Variants in GALNT17 observed in about 807,000 individuals in gnomAD.
GALNT17 encodes the protein polypeptide N-acetylgalactosaminyltransferase 17.
In GALNT17, 29 loss-of-function variants were observed where a neutral mutation model predicts 63.7. The observed-to-expected ratio is 0.46, with a 90% CI of 0.34 to 0.62. The LOEUF is 0.62. GALNT17 is among the 20% of genes least tolerant of loss of function. GALNT17 has a pLI of 0.01. For missense variants in GALNT17, 603 were observed against 799.6 expected (o/e 0.75, Z 2.97); for synonymous variants, 305 against 318.3 (o/e 0.96, Z 0.45).
chr7:71,642,091 C>T (rs1372931169), intron 6 of GALNT17, among the ~76,000 whole-genome samples: 1 of 152,112 alleles, frequency 6.6e-6, no homozygotes, highest in Non-Finnish European at 1.5e-5. Context: ...ACTGGGAACA[C>T]GAGGCTGTCT....
intron 5 of GALNT17, among the ~76,000 whole-genome samples, chr7:71,555,078 A>G (rs1404327110): frequency 6.6e-6 from 1 of 152,008 alleles, no homozygotes; most frequent in Non-Finnish European, 1.5e-5. Context: ...CAAGAGAGAC[A>G]AGGGAGGTCC....
At chr7:71,508,690 T>G (rs569583156) in intron 5 of GALNT17, among the ~76,000 whole-genome samples, 2 of 152,042 alleles carry the variant, frequency 1.3e-5, no homozygotes, top group African/African-American at 2.4e-5. Flanking sequence ...CCAGCCTTCA[T>G]GCCCGGGCTG....
At chr7:71,560,022 C>T (rs1789228253) in intron 5 of GALNT17, among the ~76,000 whole-genome samples, 1 of 151,524 alleles carries the variant, frequency 6.6e-6, no homozygotes, top group Non-Finnish European at 1.5e-5. Context: ...GGTGAAACCT[C>T]ATCTCTACAA....
At chr7:71,588,714 C>T (rs1326569117) in intron 6 of GALNT17, among the ~76,000 whole-genome samples, 1 of 152,152 alleles carries the variant, frequency 6.6e-6, no homozygotes, top group Admixed American at 6.6e-5. Context: ...AGAGAAGCTG[C>T]CAATCTGGAC....
intron 1 of GALNT17, among the ~76,000 whole-genome samples, chr7:71,289,839 G>A (rs899050860): frequency 1.1e-4 from 16 of 150,588 alleles, no homozygotes; most frequent in African/African-American, 2.7e-4. Context: ...AGATCGTGCC[G>A]TTGCATTCCA....
In GALNT17 at chr7:71,540,780, C is replaced by G. The variant is rs541798568; in HGVS notation, c.963-30505C>G. 1.2e-4 allele frequency among the ~76,000 whole-genome samples: 18 copies of G among 152,294 alleles called. No individual in the cohort carries two copies. The South Asian group carries it at 3.7e-3, about 32-fold the overall frequency. ...AATTCACAAGCCAGAGCAGGAGATT[C>G]AAACTGCCCCTGATGACAGCATTCA... On this transcript the variant is annotated intron_variant, in intron 5 of 10. Transcript: ENST00000333538.
intron 9 of GALNT17, among the ~76,000 whole-genome samples, chr7:71,684,853 T>C (rs1441768570): frequency 1.3e-5 from 2 of 152,062 alleles, no homozygotes; most frequent in Non-Finnish European, 2.9e-5. Flanking sequence ...TTTGTAAAGA[T>C]GGGGTCTCAC....
At chr7:71,480,442 C>T (rs969216172) in intron 5 of GALNT17, among the ~76,000 whole-genome samples, 1 of 152,136 alleles carries the variant, frequency 6.6e-6, no homozygotes, top group South Asian at 2.1e-4. Flanking sequence ...CTCTCCTACT[C>T]ATACGTGGCA....
chr7:71,703,114 G>C (rs1447006040), intron 9 of GALNT17, among the ~76,000 whole-genome samples: 1 of 152,230 alleles, frequency 6.6e-6, no homozygotes, highest in Admixed American at 6.5e-5. Flanking sequence ...AACTCTCCAA[G>C]AAAGTGACTA....
At chr7:71,488,169 T>TAAAAAA (rs1343277575) in intron 5 of GALNT17, among the ~76,000 whole-genome samples, 140 of 123,548 alleles carry the variant, frequency 1.1e-3, no homozygotes, top group African/African-American at 4.2e-3. Flanking sequence ...CCCTATCTCT[T>TAAAAAA]AAAAAAAAAA....
chr7:71,484,447 T>C (rs7807139), intron 5 of GALNT17, among the ~76,000 whole-genome samples: 151,391 of 152,266 alleles, frequency 0.99, 75,267 homozygotes, highest in East Asian at 1. Flanking sequence ...GAGATCGTAC[T>C]ACTGCACTCC....
intron 1 of GALNT17, among the ~76,000 whole-genome samples, chr7:71,151,210 A>G (rs113640778): frequency 2.0e-4 from 31 of 152,304 alleles, no homozygotes; most frequent in Middle Eastern, 3.4e-3. Context: ...CCCTTGATTC[A>G]TGTGATCAGC....
intron 6 of GALNT17, among the ~76,000 whole-genome samples, chr7:71,647,030 G>C (rs1399221296): frequency 3.3e-5 from 5 of 151,288 alleles, no homozygotes; most frequent in Admixed American, 2.6e-4. Context: ...ACAGGCTTGA[G>C]CCACCGCCCC....
intron 5 of GALNT17, among the ~76,000 whole-genome samples, chr7:71,508,262 C>G (rs1383436703): frequency 6.6e-6 from 1 of 152,176 alleles, no homozygotes; most frequent in East Asian, 1.9e-4. Context: ...TGACATTGAT[C>G]AGCATATTTT....
chr7:71,366,592 A>G (rs927250671), intron 2 of GALNT17, among the ~76,000 whole-genome samples: 2 of 151,998 alleles, frequency 1.3e-5, no homozygotes, highest in Admixed American at 6.6e-5. Context: ...ACAAACAAAC[A>G]AACAAGAAAT....
At chr7:71,491,141 C>T (rs1787999279) in intron 5 of GALNT17, among the ~76,000 whole-genome samples, 1 of 152,124 alleles carries the variant, frequency 6.6e-6, no homozygotes, top group Admixed American at 6.6e-5. Context: ...TTGCAGTGAG[C>T]CGAGATTGTA....
At position 71,612,758 on chromosome 7, in the gene GALNT17, T is replaced by G. The variant is rs959126790; in HGVS notation, c.1080+41356T>G. ...TGATGGAAAACACTAGAAATTTCCT[T>G]TGTGATTATTTTGTTCCCTTTCATC... On this transcript the variant is annotated intron_variant, in intron 6 of 10. Transcript: ENST00000333538. 7.2e-5 allele frequency among the ~76,000 whole-genome samples: 11 copies of G among 152,306 alleles called. No individual in the cohort carries two copies. The East Asian group carries it at 1.9e-3, about 27-fold the overall frequency.
At chr7:71,580,036 GGATA>G (rs1477810478) in intron 6 of GALNT17, among the ~76,000 whole-genome samples, 2 of 151,694 alleles carry the variant, frequency 1.3e-5, no homozygotes, top group Admixed American at 6.6e-5. Flanking sequence ...GATGATGGAT[GGATA>G]GATAGAGATG....
chr7:71,149,386 G>A (rs1165563013), intron 1 of GALNT17, among the ~76,000 whole-genome samples: 1 of 152,154 alleles, frequency 6.6e-6, no homozygotes, highest in African/African-American at 2.4e-5. Context: ...GCTCCATTCT[G>A]AGTCTCCTTT....
Sources: allele counts gnomAD v4.1 joint callset (sites outside exome capture counted in the v4.1 genomes callset), GRCh38; gene constraint gnomAD v4.1.1; transcripts MANE v1.5; gene names NCBI Gene and HGNC (gene_info 2026-07-23, HGNC 2026-07-21).